The following IL10RB variants were observed in gnomAD, a reference collection of about 807,000 sequenced individuals.
IL10RB encodes the protein interleukin-10 receptor subunit beta.
Under a neutral mutation model 38.7 loss-of-function variants are expected in IL10RB, and 30 were observed. That is an observed-to-expected ratio of 0.78 (90% CI 0.58 to 1.05). The LOEUF (loss-of-function observed/expected upper bound fraction) is 1.05, where lower values mean the gene tolerates loss of function less well. IL10RB is among the 50% of genes least tolerant of loss of function. The pLI is 0.00. For missense variants in IL10RB, 328 were observed against 397.1 expected, an observed-to-expected ratio of 0.83 and a Z score of 1.48; for synonymous variants, 142 against 145.9, an observed-to-expected ratio of 0.97 and a Z score of 0.19.
chr21:33,267,449 G>T (rs1269230392), intron 1 of IL10RB, among the ~76,000 whole-genome samples: 1 of 148,100 alleles, frequency 6.8e-6, no homozygotes, highest in African/African-American at 2.5e-5. Flanking sequence ...TTGCATGTAG[G>T]TTTCAAATTT....
Position 33,276,772 on chromosome 21 carries a change from C to T in IL10RB, c.331+19C>T. ...GATGACAGTAAGCCATTTTGTTTTC[C>T]CTTTTTTTGTAATGTCATCATCTTG... On this transcript the variant is annotated intron_variant, in intron 3 of 6. Transcript: ENST00000290200. The T allele has an allele frequency of 6.2e-7, 1 of 1,610,764 alleles. No homozygotes were observed. The highest frequency in any genetic ancestry group is 8.5e-7 in the Non-Finnish European group (1 of 1,177,058).
At chr21:33,274,967 A>T (rs1989142860) in intron 2 of IL10RB, among the ~76,000 whole-genome samples, 1 of 152,202 alleles carries the variant, frequency 6.6e-6, no homozygotes, top group South Asian at 2.1e-4. Flanking sequence ...TGTTTCATCT[A>T]CATTAAAAAT....
downstream of IL10RB, among the ~76,000 whole-genome samples, chr21:33,299,112 G>A (rs757393557): frequency 6.6e-6 from 1 of 151,902 alleles, no homozygotes; most frequent in Admixed American, 6.6e-5. Context: ...AAACCCACTC[G>A]GACCCACTCG....
downstream of IL10RB, among the ~76,000 whole-genome samples, chr21:33,297,939 G>T (rs8178567): frequency 3.4e-3 from 522 of 152,304 alleles, 4 homozygotes; most frequent in African/African-American, 0.012. Context: ...AAGGAACTGT[G>T]GAGGCTGGCA....
In IL10RB at chr21:33,279,885, T is replaced by C. The variant is rs138883237; in HGVS notation, c.465T>C (p.Asn155=). The C allele has an allele frequency of 7.3e-4, 1,175 of 1,614,016 alleles. 10 individuals are homozygous for C. The Admixed American group carries it at 0.017, about 24-fold the overall frequency. The change falls in exon 4 of 7, where the codon AAT becomes AAC. Residue 155 remains asparagine, a synonymous_variant. Transcript: ENST00000290200. ...MKNVYNSWTY[N]VQYWKNGTDE... is the part of the protein sequence containing the mutation. ...ATGTGTATAACTCATGGACTTATAA[T>C]GTGCAATACTGGAAAAACGGTACTG...
chr21:33,296,992 C>G lies in IL10RB; in HGVS notation c.*635C>G, dbSNP rs2082970277. The G allele has an allele frequency of 5.7e-6, 1 of 176,708 alleles. No individual in the cohort carries two copies. Among genetic ancestry groups the G allele is most frequent in the South Asian group, 1.2e-4 (1 of 8,518 alleles). The allele number at this position is 176,708 out of a possible 1,614,324, so 10.9% of individuals were successfully genotyped here. A position where few individuals can be genotyped will look rare whatever the true frequency, so the allele number is the denominator to read the frequency against. On this transcript the variant is annotated 3_prime_UTR_variant, in exon 7 of 7. Transcript: ENST00000290200. ...AAAAAAATTGTGAGAAACAGAAATACTTAAAATGAGGAATAAGAATGGAGA... is the reference window on the plus strand; with the variant it reads ...AAAAAAATTGTGAGAAACAGAAATAGTTAAAATGAGGAATAAGAATGGAGA...
intron 1 of IL10RB, among the ~76,000 whole-genome samples, chr21:33,307,301 A>T (rs1483095103): frequency 6.6e-6 from 1 of 152,230 alleles, no homozygotes; most frequent in Non-Finnish European, 1.5e-5. Flanking sequence ...GATCAAAGCA[A>T]CCATAATACT....
intron 1 of IL10RB, among the ~76,000 whole-genome samples, chr21:33,305,910 C>T (rs559252860): frequency 2.0e-5 from 3 of 152,260 alleles, no homozygotes; most frequent in African/African-American, 7.2e-5. Context: ...CGGCTCACTG[C>T]AATCTCCACC....
intron 6 of IL10RB, among the ~76,000 whole-genome samples, chr21:33,295,856 CCAACATGGTGAAATCCCATCTGTA>C (rs1568912822): frequency 6.6e-6 from 1 of 152,010 alleles, no homozygotes; most frequent in Non-Finnish European, 1.5e-5. Context: ...ACCAGCCTGG[CCAACATGGTGAAATCCCATCTGTA>C]CTAAAAATAC....
chr21:33,267,092 A>G (rs1246025024), intron 1 of IL10RB, among the ~76,000 whole-genome samples: 1 of 152,104 alleles, frequency 6.6e-6, no homozygotes, highest in Non-Finnish European at 1.5e-5. Context: ...ACCTAAATCC[A>G]TTGAAACCTT....
chr21:33,277,526 T>C (rs1171687789), intron 3 of IL10RB, among the ~76,000 whole-genome samples: 1 of 151,946 alleles, frequency 6.6e-6, no homozygotes, highest in African/African-American at 2.4e-5. Context: ...CATACAGCCC[T>C]TCAAAACTCA....
intron 3 of IL10RB, among the ~76,000 whole-genome samples, chr21:33,277,405 T>C (rs1484601243): frequency 6.6e-6 from 1 of 151,704 alleles, no homozygotes; most frequent in Non-Finnish European, 1.5e-5. Flanking sequence ...CCCCTAAATA[T>C]GAGATGAGCA....
At chr21:33,291,911 CG>C (rs1989496270) in intron 6 of IL10RB, among the ~76,000 whole-genome samples, 1 of 152,164 alleles carries the variant, frequency 6.6e-6, no homozygotes, top group Non-Finnish European at 1.5e-5. Flanking sequence ...CAGGCCCACG[CG>C]CAGCCTCCAT....
At chr21:33,294,168 G>A in intron 6 of IL10RB, 1 of 420,484 alleles carries the variant, frequency 2.4e-6, no homozygotes, top group Non-Finnish European at 4.8e-6. Flanking sequence ...GAGGGTGCTG[G>A]AGAAGGGCCA....
chr21:33,275,460 C>G (rs1989154383), intron 2 of IL10RB, among the ~76,000 whole-genome samples: 1 of 152,128 alleles, frequency 6.6e-6, no homozygotes, highest in Non-Finnish European at 1.5e-5. Context: ...CCAGCCCCAA[C>G]TTTTCTTCTG....
intron 1 of IL10RB, among the ~76,000 whole-genome samples, chr21:33,306,899 G>A (rs1021464726): frequency 5.3e-5 from 8 of 152,076 alleles, no homozygotes; most frequent in Admixed American, 1.3e-4. Flanking sequence ...TATTAAAATC[G>A]GGTAAGTTTA....
chr21:33,272,084 G>A (rs1213605068), intron 2 of IL10RB, among the ~76,000 whole-genome samples: 2 of 152,220 alleles, frequency 1.3e-5, no homozygotes, highest in African/African-American at 2.4e-5. Context: ...TTAAGCAGCC[G>A]TGAAGAAATG....
downstream of IL10RB, among the ~76,000 whole-genome samples, chr21:33,297,524 A>G (rs1226922135): frequency 6.6e-6 from 1 of 152,178 alleles, no homozygotes; most frequent in African/African-American, 2.4e-5. Flanking sequence ...AGAACTGAGC[A>G]AAAAAGGGAG....
chr21:33,290,728 C>T (rs1014216418), intron 6 of IL10RB, among the ~76,000 whole-genome samples: 10 of 152,228 alleles, frequency 6.6e-5, no homozygotes, highest in Admixed American at 4.6e-4. Flanking sequence ...CAGGCCGCTC[C>T]GTCCTTCTTC....
Sources: gnomAD v4.1 joint callset for allele counts (sites outside exome capture counted in the v4.1 genomes callset) on GRCh38, gnomAD v4.1.1 for gene constraint, MANE v1.5 for transcripts, NCBI Gene and HGNC (gene_info 2026-07-23, HGNC 2026-07-21) for gene names.